DDX53: variants seen among roughly 807,000 people sequenced by gnomAD.
DDX53 encodes DEAD-box helicase 53, also known as DEAD box protein 53.
For synonymous variants in DDX53, 179 were observed against 170.8 expected, an observed-to-expected ratio of 1.05 and a Z score of -0.37; for missense variants, 481 against 485.1, an observed-to-expected ratio of 0.99 and a Z score of 0.08.
In DDX53 at chrX:23,003,180, T is replaced by C. The variant is rs1036939775; in HGVS notation, c.*1227T>C. 8.1e-6 allele frequency: 1 copy of C among 124,061 alleles called. No homozygotes were observed. The highest frequency in any genetic ancestry group is 1.9e-5 in the Non-Finnish European group (1 of 53,418). The allele number at this position is 124,061 out of a possible 1,213,427, so 10.2% of individuals were successfully genotyped here. ...AAGTATTCTCTTTTCCCCCGAGCAG[T>C]TGGTGCCACAACAGTTCTTAAAGTT... On this transcript the variant is annotated 3_prime_UTR_variant, in exon 1 of 1. Transcript: ENST00000327968.
In DDX53 at chrX:23,000,179, C is replaced by G. The variant is rs1161704559; in HGVS notation, c.122C>G (p.Pro41Arg). The G allele has an allele frequency of 2.5e-6, 3 of 1,197,941 alleles. No individual in the cohort carries two copies. Among genetic ancestry groups the G allele is most frequent in the Middle Eastern group, 2.3e-4 (1 of 4,308 alleles). The change falls in exon 1 of 1, where the codon CCG becomes CGG. Residue 41 changes from proline to arginine, a missense_variant. Physicochemically the swap from Pro to Arg is moderately radical, Grantham distance 103. Coordinates refer to ENST00000327968, the MANE Select transcript of DDX53 (RefSeq NM_182699.4). ...GWSGPFGHQG[P>R]RAAGSREPPL... ...AGTGGCCCCTTCGGCCATCAGGGAC[C>G]GAGAGCAGCAGGCTCCCGTGAACCA...
chrX:23,000,425 C>A lies in DDX53; in HGVS notation c.368C>A (p.Ser123Tyr), dbSNP rs764530957. The change falls in exon 1 of 1, where the codon TCC becomes TAC. Residue 123 changes from serine (S) to tyrosine (Y), a missense_variant. Ser to Tyr is a moderately radical substitution (Grantham distance 144, BLOSUM62 -2). Transcript: ENST00000327968. ...AAACAAGAAAGCTACAACTCAGAAT[C>A]CAGTGTGGATAATGCTGCATCCCAA... Reference protein sequence around the residue: ...IRKQESYNSESSVDNAASQTP... With the variant: ...IRKQESYNSEYSVDNAASQTP... 1 of 1,211,332 alleles carries A rather than the reference C, an allele frequency of 8.3e-7. No homozygotes were observed. The highest frequency in any genetic ancestry group is 1.1e-6 in the Non-Finnish European group (1 of 895,393).
Position 23,000,929 on chromosome X carries a change from G to C in DDX53, c.872G>C (p.Arg291Thr), listed in dbSNP as rs1203290276. 1 of 1,208,148 alleles carries C rather than the reference G, an allele frequency of 8.3e-7. No homozygotes were observed. Among genetic ancestry groups the C allele is most frequent in the South Asian group, 1.8e-5 (1 of 55,999 alleles). The change falls in exon 1 of 1, where the codon AGA becomes ACA. Residue 291 changes from arginine to threonine, a missense_variant. Arg to Thr is a moderately conservative substitution (Grantham distance 71, BLOSUM62 -1). Coordinates refer to ENST00000327968, the MANE Select transcript of DDX53 (RefSeq NM_182699.4). Reference sequence around the variant, plus strand: ...CATCTTGATTCTCAACCAATATCTAGAGAGCAAAGGAATGGGCCTGGGATG... The same window carrying C: ...CATCTTGATTCTCAACCAATATCTACAGAGCAAAGGAATGGGCCTGGGATG... ...FIHLDSQPIS[R>T]EQRNGPGMLV...
rs1933781460 is a variant in DDX53 at position 23,000,031 on chromosome X, C to T, written c.-27C>T. 1.9e-6 allele frequency: 2 copies of T among 1,041,440 alleles called. No individual in the cohort carries two copies. The highest frequency in any genetic ancestry group is 3.4e-5 in the South Asian group (1 of 29,627). The allele number at this position is 1,041,440 out of a possible 1,213,427, so 85.8% of individuals were successfully genotyped here. The stretch of plus-strand genomic sequence containing the variant: ...TTCCAACCGTATGTAGGCGAGAAGC[C>T]GGTGCCGATACTCCCACTATCCCAC... On this transcript the variant is annotated 5_prime_UTR_variant, in exon 1 of 1. Transcript: ENST00000327968.
chrX:23,003,162 C>G lies in DDX53; in HGVS notation c.*1209C>G, dbSNP rs749134662. ...TTCAAGCTTATCCAGTCAAAGTATT[C>G]TCTTTTCCCCCGAGCAGTTGGTGCC... On this transcript the variant is annotated 3_prime_UTR_variant, in exon 1 of 1. Transcript: ENST00000327968. 12 of 124,056 alleles carry G rather than the reference C, an allele frequency of 9.7e-5. No individual in the cohort carries two copies. The highest frequency in any genetic ancestry group is 3.2e-4 in the African/African-American group (10 of 31,103). The allele number at this position is 124,056 out of a possible 1,213,427, so 10.2% of individuals were successfully genotyped here. A position where few individuals can be genotyped will look rare whatever the true frequency, so the allele number is the denominator to read the frequency against.
Position 23,000,976 on chromosome X carries a change from G to A in DDX53, c.919G>A (p.Glu307Lys). 1 of 1,209,095 alleles carries A rather than the reference G, an allele frequency of 8.3e-7. No individual in the cohort carries two copies. The highest frequency in any genetic ancestry group is 1.1e-6 in the Non-Finnish European group (1 of 894,258). ...GATGCTAGTCCTTACACCCACTAGA[G>A]AGTTGGCTCTTCACGTGGAAGCTGA... ...PGMLVLTPTRELALHVEAECS... is the reference protein window; with the variant it reads ...PGMLVLTPTRKLALHVEAECS... The change falls in exon 1 of 1, where the codon GAG (glutamate) becomes AAG (lysine). Residue 307 changes from glutamate (E) to lysine (K), a missense_variant. By Grantham distance (56) the Glu-to-Lys change is moderately conservative. Coordinates refer to ENST00000327968, the MANE Select transcript of DDX53 (RefSeq NM_182699.4).
chrX:23,003,019 T>G lies in DDX53; in HGVS notation c.*1066T>G, dbSNP rs374329555. The G allele has an allele frequency of 7.3e-5, 9 of 123,449 alleles. No individual in the cohort carries two copies. Among genetic ancestry groups the G allele is most frequent in the African/African-American group, 2.9e-4 (9 of 30,926 alleles). 10.2% of individuals were successfully genotyped at this position (123,449 alleles called of 1,213,427 possible). On this transcript the variant is annotated 3_prime_UTR_variant, in exon 1 of 1. Transcript: ENST00000327968. Reference sequence around the variant, plus strand: ...TGAGAACATGTGGTATTTGAGTTTCTGTTCTTGTGTTAATTTTATAGTCTA... The same window carrying G: ...TGAGAACATGTGGTATTTGAGTTTCGGTTCTTGTGTTAATTTTATAGTCTA...
In DDX53 at chrX:23,002,083, C is replaced by A; in HGVS notation, c.*130C>A. 1.9e-6 allele frequency: 1 copy of A among 528,284 alleles called. No individual in the cohort carries two copies. Among genetic ancestry groups the A allele is most frequent in the Non-Finnish European group, 2.9e-6 (1 of 343,436 alleles). 43.5% of individuals were successfully genotyped at this position (528,284 alleles called of 1,213,427 possible). ...CTAATTCTTAAATAATACTGCTAAA[C>A]TTTCAATATTGTGTATGCTCCTTAA... is the stretch of plus-strand genomic sequence containing the variant. On this transcript the variant is annotated 3_prime_UTR_variant, in exon 1 of 1. Coordinates refer to ENST00000327968, the MANE Select transcript of DDX53 (RefSeq NM_182699.4).
chrX:23,001,767 C>CTGAGTG lies in DDX53; in HGVS notation c.1710_1711insTGAGTG (p.Leu570_Ile571insTer). Reference sequence around the variant, plus strand: ...GAAAGACTGGCACATCAGTTACCCTCATCACTCAGAGAGATTCGAAAATGG... The same window carrying CTGAGTG: ...GAAAGACTGGCACATCAGTTACCCTCTGAGTGATCACTCAGAGAGATTCGAAAATGG... On this transcript the variant is annotated stop_gained and inframe_insertion, in exon 1 of 1. Coordinates refer to ENST00000327968, the MANE Select transcript of DDX53 (RefSeq NM_182699.4). LOFTEE classifies it low-confidence loss of function (END_TRUNC). The CTGAGTG allele has an allele frequency of 8.3e-7, 1 of 1,211,415 alleles. No homozygotes were observed. The highest frequency in any genetic ancestry group is 1.1e-6 in the Non-Finnish European group (1 of 895,362).
Position 23,001,113 on chromosome X carries a change from T to G in DDX53, c.1056T>G (p.Thr352=), listed in dbSNP as rs1301705758. 1 of 1,211,179 alleles carries G rather than the reference T, an allele frequency of 8.3e-7. No homozygotes were observed. Among genetic ancestry groups the G allele is most frequent in the East Asian group, 3.0e-5 (1 of 33,817 alleles). ...ISKGVDIIIA[T]PGRLNDLQMN... The stretch of plus-strand genomic sequence containing the variant: ...AAGGTGTAGATATCATTATTGCAAC[T>G]CCTGGGAGGCTGAATGACCTACAAA... Residue 352 remains threonine (T), a synonymous_variant, in exon 1 of 1, where the codon ACT becomes ACG. Transcript: ENST00000327968.
chrX:23,001,773 T>C lies in DDX53; in HGVS notation c.1716T>C (p.Thr572=), dbSNP rs1452612188. 4 of 1,209,607 alleles carry C rather than the reference T, an allele frequency of 3.3e-6. No individual in the cohort carries two copies. Among genetic ancestry groups the C allele is most frequent in the Non-Finnish European group, 4.5e-6 (4 of 895,145 alleles). The part of the protein sequence containing the change: ...GKTGTSVTLI[T]QRDSKMAGEL... ...CTGGCACATCAGTTACCCTCATCAC[T>C]CAGAGAGATTCGAAAATGGCCGGTG... The change falls in exon 1 of 1, where the codon ACT becomes ACC. Residue 572 remains threonine, a synonymous_variant. Coordinates refer to ENST00000327968, the MANE Select transcript of DDX53 (RefSeq NM_182699.4).
At position 23,003,304 on chromosome X, in the gene DDX53, C is replaced by T. The variant is rs1211390677; in HGVS notation, c.*1351C>T. 1 of 123,686 alleles carries T rather than the reference C, an allele frequency of 8.1e-6. No individual in the cohort carries two copies. Among genetic ancestry groups the T allele is most frequent in the Non-Finnish European group, 1.9e-5 (1 of 53,373 alleles). 10.2% of individuals were successfully genotyped at this position (123,686 alleles called of 1,213,427 possible). ...TTCTATTTTTATCAGAATGATGTCACCAGCAGAGCAGGATGTCTGACTCAC... is the reference window on the plus strand; with the variant it reads ...TTCTATTTTTATCAGAATGATGTCATCAGCAGAGCAGGATGTCTGACTCAC... On this transcript the variant is annotated 3_prime_UTR_variant, in exon 1 of 1. Transcript: ENST00000327968.
At position 23,001,909 on chromosome X, in the gene DDX53, A is replaced by T; in HGVS notation, c.1852A>T (p.Arg618Ter). 7 of 1,203,249 alleles carry T rather than the reference A, an allele frequency of 5.8e-6. No homozygotes were observed. The highest frequency in any genetic ancestry group is 7.8e-6 in the Non-Finnish European group (7 of 892,804). Residue 618 changes from arginine (R) to a stop codon, truncating the protein, a stop_gained, in exon 1 of 1, where the codon AGA becomes TGA. Coordinates refer to ENST00000327968, the MANE Select transcript of DDX53 (RefSeq NM_182699.4). LOFTEE classifies it low-confidence loss of function (END_TRUNC). Reference sequence around the variant, plus strand: ...AAAGAGGCACAGAGAAACACGATCAAGAAAACCTGGACAAAGACGCAAGGA... The same window carrying T: ...AAAGAGGCACAGAGAAACACGATCATGAAAACCTGGACAAAGACGCAAGGA... ...QQKRHRETRS[R>*]KPGQRRKEFY...
rs765123559 is a variant in DDX53, at chrX:23,001,453, C to T, written c.1396C>T (p.Pro466Ser). 8.3e-7 allele frequency: 1 copy of T among 1,209,035 alleles called. No homozygotes were observed. The highest frequency in any genetic ancestry group is 1.8e-5 in the South Asian group (1 of 56,516). The change falls in exon 1 of 1, where the codon CCC becomes TCC. Residue 466 changes from proline (P) to serine (S), a missense_variant. By Grantham distance (74) the Pro-to-Ser change is moderately conservative. Transcript: ENST00000327968. ...LTQEFVENMSPNDKVIMFVSQ... is the reference protein window; with the variant it reads ...LTQEFVENMSSNDKVIMFVSQ... Reference sequence around the variant, plus strand: ...CCAAGAATTCGTAGAGAACATGTCACCCAACGACAAAGTCATCATGTTTGT... The same window carrying T: ...CCAAGAATTCGTAGAGAACATGTCATCCAACGACAAAGTCATCATGTTTGT...
rs1223079799 is a variant in DDX53, at chrX:23,000,230, A to G, written c.173A>G (p.Asn58Ser). ...EPPLCFKIKN[N>S]MVGVVIGYSG... is the part of the protein sequence containing the mutation. The stretch of plus-strand genomic sequence containing the variant: ...CCACTCTGCTTTAAAATAAAGAACA[A>G]TATGGTTGGTGTGGTCATTGGTTAC... Residue 58 changes from asparagine (N) to serine (S), a missense_variant, in exon 1 of 1, where the codon AAT becomes AGT. By Grantham distance (46) the Asn-to-Ser change is conservative. Transcript: ENST00000327968. 4.2e-6 allele frequency: 5 copies of G among 1,190,800 alleles called. No homozygotes were observed. The African/African-American group carries it at 5.3e-5, about 13-fold the overall frequency.
Position 23,000,202 on chromosome X carries a change from C to G in DDX53, c.145C>G (p.Pro49Ala). 1 of 1,196,385 alleles carries G rather than the reference C, an allele frequency of 8.4e-7. No homozygotes were observed. Among genetic ancestry groups the G allele is most frequent in the Non-Finnish European group, 1.1e-6 (1 of 886,885 alleles). ...ACCGAGAGCAGCAGGCTCCCGTGAACCACCACTCTGCTTTAAAATAAAGAA... is the reference window on the plus strand; with the variant it reads ...ACCGAGAGCAGCAGGCTCCCGTGAAGCACCACTCTGCTTTAAAATAAAGAA... ...QGPRAAGSRE[P>A]PLCFKIKNNM... is the part of the protein sequence containing the mutation. Residue 49 changes from proline to alanine, a missense_variant, in exon 1 of 1, where the codon CCA (proline) becomes GCA (alanine). Transcript: ENST00000327968.
chrX:23,000,240 T>C lies in DDX53; in HGVS notation c.183T>C (p.Gly61=), dbSNP rs1445007943. ...TTAAAATAAAGAACAATATGGTTGG[T>C]GTGGTCATTGGTTACAGTGGATCAA... is the stretch of plus-strand genomic sequence containing the variant. ...LCFKIKNNMV[G]VVIGYSGSKI... Residue 61 remains glycine, a synonymous_variant, in exon 1 of 1, where the codon GGT becomes GGC. Transcript: ENST00000327968. 2 of 1,188,766 alleles carry C rather than the reference T, an allele frequency of 1.7e-6. No individual in the cohort carries two copies. Among genetic ancestry groups the C allele is most frequent in the Admixed American group, 4.7e-5 (2 of 42,898 alleles).
chrX:23,000,533 C>T lies in DDX53; in HGVS notation c.476C>T (p.Ala159Val). 1 of 1,211,491 alleles carries T rather than the reference C, an allele frequency of 8.3e-7. No homozygotes were observed. Among genetic ancestry groups the T allele is most frequent in the Non-Finnish European group, 1.1e-6 (1 of 895,445 alleles). Residue 159 changes from alanine to valine, a missense_variant, in exon 1 of 1, where the codon GCA becomes GTA. Coordinates refer to ENST00000327968, the MANE Select transcript of DDX53 (RefSeq NM_182699.4). Reference protein sequence around the residue: ...PLSNWDRIRAAVVECEKRKWA... With the variant: ...PLSNWDRIRAVVVECEKRKWA... ...TCAAATTGGGATCGCATTAGGGCAG[C>T]AGTCGTGGAGTGCGAAAAGAGAAAA...
chrX:23,001,410 A>C lies in DDX53; in HGVS notation c.1353A>C (p.Lys451Asn). ...VKQNIIVTTE[K>N]EKRALTQEFV... Reference sequence around the variant, plus strand: ...AAAATATAATTGTTACCACAGAAAAAGAAAAACGAGCTCTCACCCAAGAAT... The same window carrying C: ...AAAATATAATTGTTACCACAGAAAACGAAAAACGAGCTCTCACCCAAGAAT... The change falls in exon 1 of 1, where the codon AAA becomes AAC. Residue 451 changes from lysine (K) to asparagine (N), a missense_variant. Coordinates refer to ENST00000327968, the MANE Select transcript of DDX53 (RefSeq NM_182699.4). 1.7e-6 allele frequency: 2 copies of C among 1,208,226 alleles called. No homozygotes were observed. The highest frequency in any genetic ancestry group is 2.2e-6 in the Non-Finnish European group (2 of 893,615).
Sources: allele counts gnomAD v4.1 joint callset, GRCh38; gene constraint gnomAD v4.1.1; transcripts MANE v1.5; gene names NCBI Gene and HGNC (gene_info 2026-07-23, HGNC 2026-07-21).